APOL4: variants seen among roughly 807,000 people sequenced by gnomAD.
APOL4 encodes the protein apolipoprotein L4.
APOL4 carries 14 observed loss-of-function variants against 12.1 expected under a neutral mutation model. The ratio of observed to expected loss-of-function variants is 1.16; its 90% CI spans 0.76 to 1.81. The LOEUF (loss-of-function observed/expected upper bound fraction) is 1.81, where lower values mean the gene tolerates loss of function less well. Ranked by LOEUF, APOL4 falls within the 40% of genes most tolerant of loss-of-function variation. The pLI, the probability that APOL4 is intolerant of heterozygous loss-of-function variation, is 0.00. For synonymous variants in APOL4, 171 were observed against 160.6 expected (o/e 1.06, Z -0.49); for missense variants, 432 against 423.1 (o/e 1.02, Z -0.18).
intron 2 of APOL4, chr22:36,197,704 C>T (rs1008010136): frequency 6.4e-7 from 1 of 1,550,496 alleles, no homozygotes; most frequent in Non-Finnish European, 8.7e-7. Context: ...GAGGGCCATG[C>T]TGAGATGTGG....
chr22:36,197,316 G>T (rs370012995), intron 2 of APOL4: 11 of 244,426 alleles, frequency 4.5e-5, no homozygotes, highest in East Asian at 4.3e-4. Flanking sequence ...CTCTGTAAGG[G>T]GAGGAAGCCC....
At chr22:36,194,412 C>T (rs5995242) in intron 3 of APOL4, among the ~76,000 whole-genome samples, 85,794 of 151,922 alleles carry the variant, frequency 0.56, 24,802 homozygotes, top group East Asian at 0.82. Flanking sequence ...CCTTCTCTCA[C>T]CCTCCTCCCA....
chr22:36,190,163 C>A lies in APOL4; in HGVS notation c.*912G>T, dbSNP rs1380170422. 6.6e-6 allele frequency: 1 copy of A among 152,150 alleles called. No homozygotes were observed. The highest frequency in any genetic ancestry group is 1.5e-5 in the Non-Finnish European group (1 of 68,046). 9.4% of individuals were successfully genotyped at this position (152,150 alleles called of 1,614,324 possible). ...CCGTGATGCCTCACAAGCCGCAAAA[C>A]CAGCAAGTTTTTATTAGGGACTTTC... On this transcript the variant is annotated 3_prime_UTR_variant, in exon 4 of 4. Coordinates refer to ENST00000683024, the MANE Select transcript of APOL4 (RefSeq NM_001386885.1).
At chr22:36,200,318 A>G (rs1270719864) in intron 1 of APOL4, among the ~76,000 whole-genome samples, 1 of 152,196 alleles carries the variant, frequency 6.6e-6, no homozygotes, top group Non-Finnish European at 1.5e-5. Flanking sequence ...TGAGTCATGT[A>G]TACACGCTCA....
intron 3 of APOL4, among the ~76,000 whole-genome samples, chr22:36,193,185 A>G (rs1569531113): frequency 6.6e-6 from 1 of 152,158 alleles, no homozygotes; most frequent in Non-Finnish European, 1.5e-5. Context: ...GTTTAGCAGG[A>G]ACCCCCCACT....
intron 2 of APOL4, among the ~76,000 whole-genome samples, chr22:36,195,768 TCTCTCTC>T (rs2014389309): frequency 9.5e-6 from 1 of 105,514 alleles, no homozygotes; most frequent in Admixed American, 1.0e-4. Context: ...TCTCTCTCTC[TCTCTCTC>T]TCACACACAC....
chr22:36,201,876 G>A, upstream of APOL4: 1 of 1,589,146 alleles, frequency 6.3e-7, no homozygotes, highest in Non-Finnish European at 8.6e-7. Flanking sequence ...ATTCCGGGAA[G>A]TGATTTTGGT....
chr22:36,203,099 A>G (rs1009511754), upstream of APOL4, among the ~76,000 whole-genome samples: 2 of 152,224 alleles, frequency 1.3e-5, no homozygotes, highest in African/African-American at 2.4e-5. Context: ...CACAGGCACC[A>G]TTCTGCAATG....
intron 2 of APOL4, chr22:36,197,596 T>C: frequency 6.8e-7 from 1 of 1,478,008 alleles, no homozygotes; most frequent in Non-Finnish European, 9.0e-7. Flanking sequence ...CCCATGAAAC[T>C]GCAAGCTATG....
At chr22:36,196,493 T>A (rs987602559) in intron 2 of APOL4, among the ~76,000 whole-genome samples, 1 of 152,180 alleles carries the variant, frequency 6.6e-6, no homozygotes, top group Non-Finnish European at 1.5e-5. Flanking sequence ...AGGAAACCAA[T>A]GAATATTCAC....
chr22:36,193,189 C>T (rs2014310968), intron 3 of APOL4, among the ~76,000 whole-genome samples: 1 of 152,168 alleles, frequency 6.6e-6, no homozygotes, highest in African/African-American at 2.4e-5. Flanking sequence ...AGCAGGAACC[C>T]CCCACTCTGG....
upstream of APOL4, chr22:36,202,085 T>C: frequency 6.2e-7 from 1 of 1,613,218 alleles, no homozygotes; most frequent in Non-Finnish European, 8.5e-7. Context: ...GTTGAGACAG[T>C]GTGCTCCTCC....
rs574056440 is a variant in APOL4 at position 36,190,882 on chromosome 22, G to A, written c.*193C>T. The A allele has an allele frequency of 2.0e-4, 116 of 592,270 alleles. 1 individual carries two copies. In the South Asian group the frequency reaches 2.4e-3, roughly 12 times the overall value. 36.7% of individuals were successfully genotyped at this position (592,270 alleles called of 1,614,324 possible). A position where few individuals can be genotyped will look rare whatever the true frequency, so the allele number is the denominator to read the frequency against. On this transcript the variant is annotated 3_prime_UTR_variant, in exon 4 of 4. Transcript: ENST00000683024. ...AGAAATCACAAGGGTATTGATTGGG[G>A]AAGTGATCAGTGTCCATGAAATCTT...
upstream of APOL4, among the ~76,000 whole-genome samples, chr22:36,202,260 C>A (rs117372986): frequency 0.019 from 2,946 of 152,238 alleles, 43 homozygotes; most frequent in Non-Finnish European, 0.026. Flanking sequence ...GTGCACGCTA[C>A]CATGCTGGGC....
intron 2 of APOL4, among the ~76,000 whole-genome samples, chr22:36,195,776 TCACACACA>T (rs577893547): frequency 0.018 from 1,779 of 96,868 alleles, 26 homozygotes; most frequent in African/African-American, 0.058. Flanking sequence ...TCTCTCTCTC[TCACACACA>T]CACACACACA....
chr22:36,199,074 G>C (rs994932020), intron 2 of APOL4, among the ~76,000 whole-genome samples: 5 of 152,236 alleles, frequency 3.3e-5, no homozygotes, highest in African/African-American at 9.6e-5. Context: ...TAGGTGTCAG[G>C]GTAGGGAGGA....
upstream of APOL4, among the ~76,000 whole-genome samples, chr22:36,202,252 G>A (rs997615193): frequency 6.6e-6 from 1 of 152,088 alleles, no homozygotes; most frequent in Non-Finnish European, 1.5e-5. Flanking sequence ...GACTACAGGT[G>A]CACGCTACCA....
intron 2 of APOL4, among the ~76,000 whole-genome samples, chr22:36,199,080 G>C (rs1385864569): frequency 1.3e-5 from 2 of 152,230 alleles, no homozygotes; most frequent in Non-Finnish European, 1.5e-5. Context: ...TCAGGGTAGG[G>C]AGGAAGTGGG....
At chr22:36,192,277 T>G (rs948416699) in intron 3 of APOL4, among the ~76,000 whole-genome samples, 4 of 152,118 alleles carry the variant, frequency 2.6e-5, no homozygotes, top group Admixed American at 1.3e-4. Flanking sequence ...GAGGTGGAGC[T>G]TGCAGTGAGC....
Sources: allele counts gnomAD v4.1 joint callset (sites outside exome capture counted in the v4.1 genomes callset), GRCh38; gene constraint gnomAD v4.1.1; transcripts MANE v1.5; gene names NCBI Gene and HGNC (gene_info 2026-07-23, HGNC 2026-07-21).